LYPLAL1: variants seen among roughly 807,000 people sequenced by gnomAD.
LYPLAL1 encodes lysophospholipase like 1.
In LYPLAL1, 23 loss-of-function variants were observed where a neutral mutation model predicts 19.7. That is an observed-to-expected ratio of 1.17 (90% CI 0.84 to 1.65). The LOEUF is 1.65. LYPLAL1 is among the 40% of genes most tolerant of loss of function. LYPLAL1 has a pLI of 0.00. For synonymous variants in LYPLAL1, 119 were observed against 96.3 expected, an observed-to-expected ratio of 1.24 and a Z score of -1.38; for missense variants, 355 against 279.4, an observed-to-expected ratio of 1.27 and a Z score of -1.93.
At chr1:219,306,562 A>G in the LYPLAL1 span, among the ~76,000 whole-genome samples, 1 of 151,892 alleles carries the variant, frequency 6.6e-6, no homozygotes, top group African/African-American at 2.4e-5. Context: ...TTTCCTTTGG[A>G]CTTGAAGGAA....
At chr1:219,209,469 G>A (rs1448506729) in intron 3 of LYPLAL1, among the ~76,000 whole-genome samples, 1 of 151,896 alleles carries the variant, frequency 6.6e-6, no homozygotes, top group East Asian at 1.9e-4. Context: ...CTAATCTTGG[G>A]CCTCAGTTCC....
At chr1:219,379,316 G>A in the LYPLAL1 span, among the ~76,000 whole-genome samples, 1 of 152,172 alleles carries the variant, frequency 6.6e-6, no homozygotes, top group Non-Finnish European at 1.5e-5. Context: ...GGTCGAGGAG[G>A]GAAAGGTGGA....
At chr1:219,380,737 G>A in the LYPLAL1 span, among the ~76,000 whole-genome samples, 1 of 152,280 alleles carries the variant, frequency 6.6e-6, no homozygotes, top group African/African-American at 2.4e-5. Flanking sequence ...TACCGTATTT[G>A]CTATATTTCA....
the LYPLAL1 span, among the ~76,000 whole-genome samples, chr1:219,291,475 T>C: frequency 0.016 from 2,418 of 152,348 alleles, 18 homozygotes; most frequent in Non-Finnish European, 0.023. Context: ...TGGGAACACA[T>C]GTCAGCTGAC....
chr1:219,442,866 T>G, the LYPLAL1 span, among the ~76,000 whole-genome samples: 58,409 of 151,990 alleles, frequency 0.38, 11,646 homozygotes, highest in Non-Finnish European at 0.43. Flanking sequence ...GATTTTTATC[T>G]TCCGACTTCA....
the LYPLAL1 span, among the ~76,000 whole-genome samples, chr1:219,257,353 G>GTTTTTTTTTTTTTT: frequency 2.3e-5 from 3 of 132,580 alleles, 1 homozygote; most frequent in Non-Finnish European, 4.8e-5. Context: ...ATCCATACCA[G>GTTTTTTTTTTTTTT]TTTTTGTTTT....
the LYPLAL1 span, among the ~76,000 whole-genome samples, chr1:219,224,943 G>A: frequency 1.3e-5 from 2 of 152,056 alleles, no homozygotes; most frequent in Admixed American, 1.3e-4. Flanking sequence ...ATTAACCTCC[G>A]ATTCTAGAAA....
chr1:219,354,114 A>G, the LYPLAL1 span, among the ~76,000 whole-genome samples: 1 of 152,210 alleles, frequency 6.6e-6, no homozygotes, highest in African/African-American at 2.4e-5. Flanking sequence ...TCAGTGAACC[A>G]ATGGATAATA....
chr1:219,382,129 C>A, the LYPLAL1 span, among the ~76,000 whole-genome samples: 9 of 152,192 alleles, frequency 5.9e-5, no homozygotes, highest in African/African-American at 1.9e-4. Context: ...GGAAAGCAGT[C>A]TGAGTATATG....
the LYPLAL1 span, among the ~76,000 whole-genome samples, chr1:219,388,375 T>G: frequency 1.3e-5 from 2 of 152,164 alleles, no homozygotes; most frequent in South Asian, 4.1e-4. Flanking sequence ...CATTCACGTT[T>G]CCTTGTACAC....
At chr1:219,331,089 T>A in the LYPLAL1 span, among the ~76,000 whole-genome samples, 2 of 152,178 alleles carry the variant, frequency 1.3e-5, no homozygotes, top group African/African-American at 2.4e-5. Flanking sequence ...TTGTCATTTG[T>A]GCTCTTGCCA....
At chr1:219,442,134 G>A in the LYPLAL1 span, among the ~76,000 whole-genome samples, 1 of 152,088 alleles carries the variant, frequency 6.6e-6, no homozygotes, top group African/African-American at 2.4e-5. Flanking sequence ...CTATTAAACA[G>A]CACAATACAA....
chr1:219,422,994 G>A, the LYPLAL1 span, among the ~76,000 whole-genome samples: 1 of 152,062 alleles, frequency 6.6e-6, no homozygotes, highest in Non-Finnish European at 1.5e-5. Flanking sequence ...AACCCATGAC[G>A]GAGCATGCAA....
the LYPLAL1 span, among the ~76,000 whole-genome samples, chr1:219,442,794 A>C: frequency 6.4e-4 from 98 of 152,268 alleles, 1 homozygote; most frequent in Middle Eastern, 3.4e-3. Flanking sequence ...CCACGTGGTA[A>C]TTTTGGAAGG....
chr1:219,282,404 A>T, the LYPLAL1 span, among the ~76,000 whole-genome samples: 1 of 151,862 alleles, frequency 6.6e-6, no homozygotes, highest in South Asian at 2.1e-4. Context: ...AAGAGAGAAA[A>T]TGAAGGGGGG....
the LYPLAL1 span, among the ~76,000 whole-genome samples, chr1:219,234,764 C>T: frequency 6.6e-6 from 1 of 151,970 alleles, no homozygotes; most frequent in Non-Finnish European, 1.5e-5. Flanking sequence ...AACGTGATTG[C>T]TGACCTGGTA....
the LYPLAL1 span, among the ~76,000 whole-genome samples, chr1:219,419,004 A>G: frequency 2.0e-5 from 3 of 152,172 alleles, no homozygotes; most frequent in African/African-American, 7.2e-5. Flanking sequence ...TTAGCACTGA[A>G]TAATATTCCA....
chr1:219,243,715 T>G, the LYPLAL1 span, among the ~76,000 whole-genome samples: 1 of 149,222 alleles, frequency 6.7e-6, no homozygotes, highest in Non-Finnish European at 1.5e-5. Context: ...AGGTCAGGAG[T>G]TCAAGACCAG....
the LYPLAL1 span, among the ~76,000 whole-genome samples, chr1:219,406,968 G>A: frequency 6.6e-6 from 1 of 152,206 alleles, no homozygotes; most frequent in Non-Finnish European, 1.5e-5. Context: ...AGACAACTGT[G>A]AGCATGAATT....
Sources: allele counts gnomAD v4.1 joint callset (sites outside exome capture counted in the v4.1 genomes callset), GRCh38; gene constraint gnomAD v4.1.1; transcripts MANE v1.5; gene names NCBI Gene and HGNC (gene_info 2026-07-23, HGNC 2026-07-21).